The following HOXA3 variants were observed in gnomAD, a reference collection of about 807,000 sequenced individuals.
HOXA3 encodes homeobox protein Hox-A3.
In HOXA3, 8 loss-of-function variants were observed where a neutral mutation model predicts 30.3. The observed-to-expected ratio is 0.26, with a 90% CI of 0.15 to 0.48. HOXA3 has a LOEUF of 0.48. HOXA3 is among the 20% of genes least tolerant of loss of function. The pLI, the probability that HOXA3 is intolerant of heterozygous loss-of-function variation, is 0.99. For missense variants in HOXA3, 653 were observed against 614.4 expected, an observed-to-expected ratio of 1.06 and a Z score of -0.66; for synonymous variants, 323 against 273.1, an observed-to-expected ratio of 1.18 and a Z score of -1.80.
intron 4 of HOXA3, chr7:27,119,576 G>A (rs1784906264): frequency 1.3e-5 from 2 of 152,182 alleles, no homozygotes. Context: ...ACTTCTGAGA[G>A]TGCTCTGAGG....
chr7:27,141,791 G>T, intron 1 of HOXA3: 2 of 1,599,086 alleles, frequency 1.3e-6, no homozygotes, highest in Non-Finnish European at 1.7e-6. Flanking sequence ...CTGACACTAC[G>T]CGGGATCCGC....
chr7:27,130,834 C>T, intron 2 of HOXA3: 1 of 1,152,388 alleles, frequency 8.7e-7, no homozygotes, highest in Non-Finnish European at 1.2e-6. Flanking sequence ...ATCCCCCTTT[C>T]CTCTGCGCCC....
chr7:27,145,766 C>T (rs1365704010), intron 1 of HOXA3: 16 of 1,614,236 alleles, frequency 9.9e-6, no homozygotes, highest in Non-Finnish European at 1.3e-5. Flanking sequence ...AGATCTTGAT[C>T]TGGCGCTCGG....
chr7:27,147,336 A>G (rs144375853), intron 1 of HOXA3: 71 of 1,613,768 alleles, frequency 4.4e-5, no homozygotes, highest in Non-Finnish European at 5.7e-5. Context: ...GCTGCATCCA[A>G]GGGTAAACCG....
At chr7:27,133,409 C>G (rs767215794) in intron 2 of HOXA3, among the ~76,000 whole-genome samples, 1 of 152,200 alleles carries the variant, frequency 6.6e-6, no homozygotes, top group Non-Finnish European at 1.5e-5. Flanking sequence ...AGCAGCATCT[C>G]GCCTGAGAAA....
intron 2 of HOXA3, among the ~76,000 whole-genome samples, chr7:27,137,234 C>G (rs1785742141): frequency 6.6e-6 from 1 of 152,098 alleles, no homozygotes; most frequent in African/African-American, 2.4e-5. Context: ...CTCAGAGCCG[C>G]CAACAATGAA....
At chr7:27,132,042 T>C (rs1449184016) in intron 2 of HOXA3, among the ~76,000 whole-genome samples, 1 of 152,240 alleles carries the variant, frequency 6.6e-6, no homozygotes, top group Non-Finnish European at 1.5e-5. Context: ...CCACCTAATG[T>C]TGATCTTTGA....
chr7:27,130,381 T>G (rs1785483044), intron 2 of HOXA3: 1 of 1,150,010 alleles, frequency 8.7e-7, no homozygotes, highest in South Asian at 4.2e-5. Context: ...CGCCGGGGGC[T>G]GCTCGGGCTG....
Position 27,113,121 on chromosome 7 carries a change from C to T in HOXA3, c.-120-2361G>A, listed in dbSNP as rs1403346406. On this transcript the variant is annotated intron_variant, in intron 4 of 5. Transcript: ENST00000612286. This position sits in a 1 kb window ranked among gnomAD's most constrained non-coding sequence, Gnocchi z 4.8. The stretch of plus-strand genomic sequence containing the variant: ...AGCCAGGAAACTTTGCTCTGTACCG[C>T]CAAGCAAGGGCTGGGGATGAGGGGA... Among the ~76,000 whole-genome samples the T allele has an allele frequency of 6.6e-6, 1 of 152,076 alleles. No homozygotes were observed. Among genetic ancestry groups the T allele is most frequent in the Admixed American group, 6.5e-5 (1 of 15,274 alleles).
At chr7:27,117,537 G>T (rs1784786497) in intron 4 of HOXA3, among the ~76,000 whole-genome samples, 1 of 152,116 alleles carries the variant, frequency 6.6e-6, no homozygotes, top group South Asian at 2.1e-4. Context: ...CAGATCCTTG[G>T]GTCTGGCTTC....
chr7:27,138,807 G>GA (rs1448728747), intron 2 of HOXA3, among the ~76,000 whole-genome samples: 1 of 152,188 alleles, frequency 6.6e-6, no homozygotes, highest in Non-Finnish European at 1.5e-5. Flanking sequence ...GGATCAAACA[G>GA]AAAGAGCAAC....
In HOXA3 at chr7:27,113,067, C is replaced by T. The variant is rs1219834637; in HGVS notation, c.-120-2307G>A. ...ACCCCAACCCAGCCCCCAAAGTTTG[C>T]AACCTAGTAAAGAAGTTGGAGATTT... On this transcript the variant is annotated intron_variant, in intron 4 of 5. Transcript: ENST00000612286. This position sits in a 1 kb window ranked among gnomAD's most constrained non-coding sequence, Gnocchi z 4.8. Among the ~76,000 whole-genome samples, 2 of 152,118 alleles carry T rather than the reference C, an allele frequency of 1.3e-5. No homozygotes were observed. The highest frequency in any genetic ancestry group is 2.1e-4 in the South Asian group (1 of 4,818).
Position 27,107,851 on chromosome 7 carries a change from A to T in HOXA3, c.*64T>A. The T allele has an allele frequency of 9.3e-7, 1 of 1,080,920 alleles. No homozygotes were observed. Among genetic ancestry groups the T allele is most frequent in the Non-Finnish European group, 1.3e-6 (1 of 786,192 alleles). The allele number at this position is 1,080,920 out of a possible 1,614,324, so 67.0% of individuals were successfully genotyped here. Reference sequence around the variant, plus strand: ...AGAACCTAAAAAAAAAAAAAAAAAAAAGCAACCAAAGAAAAAAGGTGGGTG... The same window carrying T: ...AGAACCTAAAAAAAAAAAAAAAAAATAGCAACCAAAGAAAAAAGGTGGGTG... On this transcript the variant is annotated 3_prime_UTR_variant, in exon 6 of 6. Coordinates refer to ENST00000612286, the MANE Select transcript of HOXA3 (RefSeq NM_153631.3).
chr7:27,141,113 C>CAA (rs147485948), intron 1 of HOXA3: 168 of 82,880 alleles, frequency 2.0e-3, no homozygotes, highest in South Asian at 0.013. Flanking sequence ...AAAACAAATA[C>CAA]AAAAAAAAAA....
In HOXA3 at chr7:27,152,313, C is replaced by G; in HGVS notation, c.-519G>C. 7.8e-7 allele frequency: 1 copy of G among 1,275,616 alleles called. No homozygotes were observed. Among genetic ancestry groups the G allele is most frequent in the South Asian group, 1.3e-5 (1 of 79,470 alleles). 79.0% of individuals were successfully genotyped at this position (1,275,616 alleles called of 1,614,324 possible). A position where few individuals can be genotyped will look rare whatever the true frequency, so the allele number is the denominator to read the frequency against. ...CTTCAGACGGTGGCTCCCAGAAGCTCCTGCCCCTCTGACAGCTGTCGCTTG... is the reference window on the plus strand; with the variant it reads ...CTTCAGACGGTGGCTCCCAGAAGCTGCTGCCCCTCTGACAGCTGTCGCTTG... On this transcript the variant is annotated 5_prime_UTR_variant, in exon 1 of 6. Coordinates refer to ENST00000612286, the MANE Select transcript of HOXA3 (RefSeq NM_153631.3).
At chr7:27,144,232 A>G (rs1158357816) in intron 1 of HOXA3, among the ~76,000 whole-genome samples, 1 of 152,160 alleles carries the variant, frequency 6.6e-6, no homozygotes, top group Non-Finnish European at 1.5e-5. Context: ...GAAAATACAG[A>G]TATCACCTTC....
At position 27,107,689 on chromosome 7, in the gene HOXA3, C is replaced by A. The variant is rs1784087644; in HGVS notation, c.*226G>T. On this transcript the variant is annotated 3_prime_UTR_variant, in exon 6 of 6. Coordinates refer to ENST00000612286, the MANE Select transcript of HOXA3 (RefSeq NM_153631.3). ...TCGAGGAGCAGGAAGAGATAAATAT[C>A]GCTATGATACAGCCATTCCAGCAAC... 9.3e-6 allele frequency: 4 copies of A among 430,600 alleles called. No individual in the cohort carries two copies. The Admixed American group carries it at 1.6e-4, about 17-fold the overall frequency. 26.7% of individuals were successfully genotyped at this position (430,600 alleles called of 1,614,324 possible).
In HOXA3 at chr7:27,113,258, A is replaced by G. The variant is rs1259583008; in HGVS notation, c.-120-2498T>C. ...AAGCAAGCCCTATTGTCTCTCTGGA[A>G]GATGTGCCCAAATTCAACCTCCGTC... On this transcript the variant is annotated intron_variant, in intron 4 of 5. Coordinates refer to ENST00000612286, the MANE Select transcript of HOXA3 (RefSeq NM_153631.3). The surrounding 1 kb of genome is among the most constrained non-coding windows in gnomAD (Gnocchi z 4.8). Among the ~76,000 whole-genome samples, 1 of 152,200 alleles carries G rather than the reference A, an allele frequency of 6.6e-6. No individual in the cohort carries two copies. Among genetic ancestry groups the G allele is most frequent in the Non-Finnish European group, 1.5e-5 (1 of 68,042 alleles).
At chr7:27,142,764 C>T (rs1298132088) in intron 1 of HOXA3, 5 of 411,816 alleles carry the variant, frequency 1.2e-5, no homozygotes, top group African/African-American at 2.1e-5. Context: ...CCCGGGAGCG[C>T]GTCCCAAGGC....
Sources: allele counts gnomAD v4.1 joint callset (sites outside exome capture counted in the v4.1 genomes callset), GRCh38; gene constraint gnomAD v4.1.1; non-coding constraint Gnocchi (gnomAD v3.1); transcripts MANE v1.5; gene names NCBI Gene and HGNC (gene_info 2026-07-23, HGNC 2026-07-21).